Variants in UGGT1 observed in about 807,000 individuals in gnomAD.
The protein encoded by UGGT1 is UDP-glucose glycoprotein glucosyltransferase 1, also known as UDP-glucose:glycoprotein glucosyltransferase 1.
Under a neutral mutation model 203.9 loss-of-function variants are expected in UGGT1, and 107 were observed. The ratio of observed to expected loss-of-function variants is 0.52; its 90% CI spans 0.45 to 0.62. The LOEUF is 0.62. Among genes scored for constraint, UGGT1 ranks in the 20% least tolerant of loss-of-function variants. UGGT1 has a pLI of 0.00. For synonymous variants in UGGT1, 628 were observed against 653.5 expected, an observed-to-expected ratio of 0.96 and a Z score of 0.59; for missense variants, 1,673 against 1,867.2, an observed-to-expected ratio of 0.90 and a Z score of 1.92.
chr2:128,175,288 G>A (rs1267962880), intron 31 of UGGT1, among the ~76,000 whole-genome samples: 5 of 152,228 alleles, frequency 3.3e-5, no homozygotes, highest in African/African-American at 4.8e-5. Context: ...AAGCTGTGCT[G>A]TTAGTGCTGG....
intron 27 of UGGT1, 60 bp downstream of exon 27, chr2:128,170,450 A>C (rs1691037936): frequency 6.8e-7 from 1 of 1,465,086 alleles, no homozygotes; most frequent in African/African-American, 1.4e-5. Flanking sequence ...CATGCTCTGA[A>C]ATTCACTGAG....
intron 1 of UGGT1, among the ~76,000 whole-genome samples, chr2:128,094,765 T>G: frequency 1.5e-5 from 1 of 67,992 alleles, no homozygotes; most frequent in African/African-American, 4.8e-5. Flanking sequence ...TTTTTTTTTT[T>G]TGAGACGGAG....
chr2:128,171,080 C>G (rs149321886), intron 27 of UGGT1, 125 bp from the exon 28 acceptor site: 1 of 838,930 alleles, frequency 1.2e-6, no homozygotes, highest in East Asian at 2.7e-5. Flanking sequence ...CCAGAAGTTT[C>G]GCCAGTGCAG....
Position 128,179,784 on chromosome 2 carries a change from A to G in UGGT1, c.3816-2A>G, listed in dbSNP as rs1315422367. 1 of 1,609,978 alleles carries G rather than the reference A, an allele frequency of 6.2e-7. No individual in the cohort carries two copies. Among genetic ancestry groups the G allele is most frequent in the Non-Finnish European group, 8.5e-7 (1 of 1,178,904 alleles). On this transcript the variant is annotated splice_acceptor_variant, in intron 34 of 40. Transcript: ENST00000259253. LOFTEE classifies it high-confidence loss of function. ...TATTAATTACCTGCTTTTGTTTGGC[A>G]GCATAATGATGCTATCCGTGCTGAA...
intron 2 of UGGT1, among the ~76,000 whole-genome samples, chr2:128,101,193 G>C (rs900945009): frequency 6.6e-6 from 1 of 152,156 alleles, no homozygotes; most frequent in African/African-American, 2.4e-5. Flanking sequence ...TCCAGAGCTA[G>C]CAGAGCCCAC....
intron 1 of UGGT1, among the ~76,000 whole-genome samples, chr2:128,094,754 T>TGAGA (rs1687031394): frequency 8.8e-6 from 1 of 113,804 alleles, no homozygotes; most frequent in Admixed American, 8.5e-5. Context: ...TTTTTTTTTT[T>TGAGA]TTTTTTTTTT....
intron 21 of UGGT1, 21 bp from the exon 22 acceptor site, chr2:128,157,231 G>A (rs1003706125): frequency 1.9e-6 from 3 of 1,563,742 alleles, no homozygotes; most frequent in Non-Finnish European, 2.6e-6. Flanking sequence ...GACTCAATTA[G>A]CTGTTTTTGT....
At chr2:128,136,588 C>G (rs955170246) in intron 15 of UGGT1, among the ~76,000 whole-genome samples, 3 of 152,168 alleles carry the variant, frequency 2.0e-5, no homozygotes, top group Non-Finnish European at 4.4e-5. Flanking sequence ...TGGATGTCCC[C>G]CCATTTATTT....
At position 128,185,977 on chromosome 2, in the gene UGGT1, G is replaced by A. The variant is rs73955998; in HGVS notation, c.4360-706G>A. On this transcript the variant is annotated intron_variant, in intron 38 of 40. Coordinates refer to ENST00000259253, the MANE Select transcript of UGGT1 (RefSeq NM_020120.4). ...AAAAATGTCGTCTATTTGGGAGCAAGTCTCAATAGACAAGGTAGATTCAGA... is the reference window on the plus strand; with the variant it reads ...AAAAATGTCGTCTATTTGGGAGCAAATCTCAATAGACAAGGTAGATTCAGA... Among the ~76,000 whole-genome samples the A allele has an allele frequency of 4.1e-3, 628 of 152,292 alleles. 6 individuals carry two copies. The highest frequency in any genetic ancestry group is 0.013 in the African/African-American group (550 of 41,560).
chr2:128,156,861 C>T (rs1467437566), intron 21 of UGGT1, among the ~76,000 whole-genome samples: 1 of 152,192 alleles, frequency 6.6e-6, no homozygotes, highest in Non-Finnish European at 1.5e-5. Context: ...TGAGCCACTG[C>T]ACCCGGCCAA....
chr2:128,119,495 C>G (rs191997125), intron 8 of UGGT1, among the ~76,000 whole-genome samples: 1 of 152,154 alleles, frequency 6.6e-6, no homozygotes, highest in Admixed American at 6.5e-5. Context: ...AATGTACTAG[C>G]CGTCTGTCTG....
In UGGT1 at chr2:128,164,837, A is replaced by G; in HGVS notation, c.2921+12A>G. On this transcript the variant is annotated intron_variant, in intron 26 of 40. Coordinates refer to ENST00000259253, the MANE Select transcript of UGGT1 (RefSeq NM_020120.4). The stretch of plus-strand genomic sequence containing the variant: ...GAAGACAGACACAGGTATAGAATTA[A>G]TGTTGAATTTGTGCATATTCTTGAA... 6.3e-7 allele frequency: 1 copy of G among 1,574,946 alleles called. No individual in the cohort carries two copies. Among genetic ancestry groups the G allele is most frequent in the Non-Finnish European group, 8.6e-7 (1 of 1,162,010 alleles).
chr2:128,112,124 A>G (rs1288747902), intron 5 of UGGT1, among the ~76,000 whole-genome samples: 2 of 149,820 alleles, frequency 1.3e-5, no homozygotes, highest in South Asian at 2.1e-4. Context: ...ATAACATAAT[A>G]TAACATATTA....
At chr2:128,133,083 G>T (rs1688958136) in intron 13 of UGGT1, 58 bp from the exon 14 acceptor site, 5 of 1,581,696 alleles carry the variant, frequency 3.2e-6, no homozygotes, top group Non-Finnish European at 3.5e-6. Flanking sequence ...TGATATTATT[G>T]CAGGTTTTAC....
intron 26 of UGGT1, among the ~76,000 whole-genome samples, chr2:128,168,835 C>T (rs1690930472): frequency 6.6e-6 from 1 of 151,938 alleles, no homozygotes; most frequent in South Asian, 2.1e-4. Context: ...TCACTTGAGG[C>T]CAGGAGTTCA....
chr2:128,154,322 T>TATTCAA (rs1690124083), intron 19 of UGGT1, among the ~76,000 whole-genome samples: 1 of 152,202 alleles, frequency 6.6e-6, no homozygotes, highest in South Asian at 2.1e-4. Context: ...ATAAGGAACA[T>TATTCAA]AATAGCGGTT....
Position 128,181,981 on chromosome 2 carries a change from C to G in UGGT1, c.4084-149C>G, listed in dbSNP as rs1573630727. 7.6e-6 allele frequency: 5 copies of G among 656,342 alleles called. No individual in the cohort carries two copies. In the East Asian group the frequency reaches 1.4e-4, roughly 18 times the overall value. 40.7% of individuals were successfully genotyped at this position (656,342 alleles called of 1,614,324 possible). On this transcript the variant is annotated intron_variant, in intron 36 of 40. Transcript: ENST00000259253. ...TGAGTCAACCAGGTAATAAGTGGAG[C>G]AATCAAAGTGCATCTGCCCCTAGTG... is the stretch of plus-strand genomic sequence containing the variant.
chr2:128,185,469 CT>C lies in UGGT1; in HGVS notation c.4360-1191del, dbSNP rs766681891. Among the ~76,000 whole-genome samples the C allele has an allele frequency of 5.2e-3, 586 of 113,388 alleles. 4 individuals carry two copies. The highest frequency in any genetic ancestry group is 0.018 in the African/African-American group (423 of 23,452). The allele number at this position is 113,388 out of a possible 152,430, so 74.4% of individuals were successfully genotyped here. A position where few individuals can be genotyped will look rare whatever the true frequency, so the allele number is the denominator to read the frequency against. Reference sequence around the variant, plus strand: ...GCAGGTGTGAGCCACCGTGCCCGGCCTTTTTTTTTTTTTTTTTTTTTTTAGA... The same window carrying C: ...GCAGGTGTGAGCCACCGTGCCCGGCCTTTTTTTTTTTTTTTTTTTTTTAGA... On this transcript the variant is annotated intron_variant, in intron 38 of 40. Coordinates refer to ENST00000259253, the MANE Select transcript of UGGT1 (RefSeq NM_020120.4).
chr2:128,181,462 G>A (rs1451482316), intron 36 of UGGT1, among the ~76,000 whole-genome samples: 1 of 152,204 alleles, frequency 6.6e-6, no homozygotes, highest in Admixed American at 6.5e-5. Flanking sequence ...TTGGCAGTAG[G>A]GAACCTCCGG....
Sources: allele counts gnomAD v4.1 joint callset (sites outside exome capture counted in the v4.1 genomes callset), GRCh38; gene constraint gnomAD v4.1.1; transcripts MANE v1.5; gene names NCBI Gene and HGNC (gene_info 2026-07-23, HGNC 2026-07-21).